Variants in DMXL1 observed in about 807,000 individuals in gnomAD.
DMXL1 encodes Dmx like 1.
Under a neutral mutation model 319.2 loss-of-function variants are expected in DMXL1, and 99 were observed. That is an observed-to-expected ratio of 0.31 (90% CI 0.26 to 0.37). The LOEUF is 0.37. Ranked by LOEUF, DMXL1 falls within the 10% of genes least tolerant of loss-of-function variation. The pLI is 1.00. For synonymous variants in DMXL1, 1,385 were observed against 1,235.2 expected (o/e 1.12, Z -2.54); for missense variants, 3,745 against 3,595.6 (o/e 1.04, Z -1.06).
At chr5:119,090,260 A>T (rs1049816500) in intron 1 of DMXL1, among the ~76,000 whole-genome samples, 4 of 151,046 alleles carry the variant, frequency 2.6e-5, no homozygotes, top group African/African-American at 9.7e-5. Flanking sequence ...ACCTCAGGTG[A>T]TTTGCCTGCC....
chr5:119,170,057 A>G, intron 23 of DMXL1, 133 bp from the exon 24 acceptor site: 1 of 764,044 alleles, frequency 1.3e-6, no homozygotes, highest in South Asian at 2.1e-5. Flanking sequence ...GCCATGGATC[A>G]TTGTGGCCTA....
At chr5:119,124,026 G>A (rs866249976) in intron 9 of DMXL1, among the ~76,000 whole-genome samples, 5 of 151,384 alleles carry the variant, frequency 3.3e-5, no homozygotes, top group South Asian at 2.1e-4. Context: ...TAACACCAAG[G>A]AGCTGGGCAT....
chr5:119,168,888 G>T (rs57278208), intron 23 of DMXL1, among the ~76,000 whole-genome samples: 77,702 of 151,460 alleles, frequency 0.51, 20,883 homozygotes, highest in East Asian at 0.96. Flanking sequence ...CTTTTGTCTT[G>T]TCTTTTCTCT....
chr5:119,157,889 G>C (rs1771456369), intron 19 of DMXL1, among the ~76,000 whole-genome samples: 1 of 152,038 alleles, frequency 6.6e-6, no homozygotes, highest in South Asian at 2.1e-4. Context: ...AGATTGCGTT[G>C]AATCTGTAGA....
At chr5:119,211,727 G>A (rs1782838848) in intron 34 of DMXL1, among the ~76,000 whole-genome samples, 1 of 152,144 alleles carries the variant, frequency 6.6e-6, no homozygotes, top group African/African-American at 2.4e-5. Context: ...TGTCATTAGA[G>A]TGGCAATGAA....
intron 6 of DMXL1, 31 bp from the exon 7 acceptor site, chr5:119,116,127 T>C (rs1760786735): frequency 6.4e-7 from 1 of 1,564,848 alleles, no homozygotes; most frequent in Non-Finnish European, 8.6e-7. Flanking sequence ...CTGATCTCCA[T>C]GATTTTCTGT....
intron 34 of DMXL1, among the ~76,000 whole-genome samples, chr5:119,211,851 TC>T (rs1337472863): frequency 6.6e-6 from 1 of 152,166 alleles, no homozygotes; most frequent in Non-Finnish European, 1.5e-5. Flanking sequence ...TTTCACTTCT[TC>T]CACTCTTGGA....
chr5:119,101,769 G>T (rs1269632157), intron 2 of DMXL1, among the ~76,000 whole-genome samples, 166 bp from the exon 3 acceptor site: 4 of 152,146 alleles, frequency 2.6e-5, no homozygotes, highest in African/African-American at 9.7e-5. Context: ...GCAGTTCTAG[G>T]ATTCTAATGC....
At chr5:119,171,334 T>G in intron 24 of DMXL1, 54 bp downstream of exon 24, 1 of 1,511,554 alleles carries the variant, frequency 6.6e-7, no homozygotes, top group Non-Finnish European at 8.8e-7. Context: ...CTGTTTTTGG[T>G]GTTTCTTTTT....
chr5:119,085,565 A>C (rs1753180272), intron 1 of DMXL1, among the ~76,000 whole-genome samples: 1 of 152,238 alleles, frequency 6.6e-6, no homozygotes, highest in Non-Finnish European at 1.5e-5. Context: ...GAATTTGTTC[A>C]TCCGTTCTAA....
chr5:119,198,066 G>A lies in DMXL1; in HGVS notation c.7745+110G>A, dbSNP rs565713104. On this transcript the variant is annotated intron_variant, in intron 32 of 43. Coordinates refer to ENST00000539542, the MANE Select transcript of DMXL1 (RefSeq NM_001290321.3). ...TGCAGTGGCACAATCTCAGCTCACT[G>A]CAGCCTCTGCCTCCTGGGTTCAAGT... The A allele has an allele frequency of 7.2e-5, 71 of 985,990 alleles. No homozygotes were observed. The African/African-American group carries it at 9.9e-4, about 14-fold the overall frequency. 61.1% of individuals were successfully genotyped at this position (985,990 alleles called of 1,614,324 possible). A position where few individuals can be genotyped will look rare whatever the true frequency, so the allele number is the denominator to read the frequency against.
chr5:119,081,300 A>C (rs907030312), intron 1 of DMXL1, among the ~76,000 whole-genome samples: 13 of 152,212 alleles, frequency 8.5e-5, no homozygotes, highest in Non-Finnish European at 5.9e-5. Flanking sequence ...GGAAGGCCTT[A>C]GGGTAAGAAA....
chr5:119,157,944 AAATT>A (rs937679441), intron 19 of DMXL1, among the ~76,000 whole-genome samples: 3 of 152,178 alleles, frequency 2.0e-5, no homozygotes, highest in African/African-American at 7.2e-5. Context: ...AAAATTTAAC[AAATT>A]AATTTTTCCA....
At chr5:119,134,759 A>G (rs753470485) in intron 13 of DMXL1, among the ~76,000 whole-genome samples, 8 of 152,236 alleles carry the variant, frequency 5.3e-5, no homozygotes, top group East Asian at 1.9e-4. Flanking sequence ...ACATGAAAAG[A>G]AAGAGCCCTT....
intron 10 of DMXL1, among the ~76,000 whole-genome samples, chr5:119,132,466 G>T (rs570403288): frequency 6.6e-6 from 1 of 152,206 alleles, no homozygotes; most frequent in African/African-American, 2.4e-5. Flanking sequence ...GGATCACGAG[G>T]TCAGGAGTTC....
intron 21 of DMXL1, 138 bp from the exon 22 acceptor site, chr5:119,166,478 A>G (rs1349113344): frequency 1.5e-6 from 1 of 656,142 alleles, no homozygotes; most frequent in East Asian, 3.1e-5. Context: ...TTACTGGGAA[A>G]AGAAGCAGAT....
chr5:119,225,481 G>A (rs956274900), intron 38 of DMXL1, among the ~76,000 whole-genome samples: 6 of 151,616 alleles, frequency 4.0e-5, no homozygotes, highest in South Asian at 2.1e-4. Context: ...TATGCCCTTC[G>A]TCAAATTGTC....
At position 119,071,116 on chromosome 5, in the gene DMXL1, T is replaced by TG; in HGVS notation, c.-449dup. On this transcript the variant is annotated 5_prime_UTR_variant, in exon 1 of 44. Transcript: ENST00000539542. ...GCGCGTAGTGAGTGGCGGAGGACTGTGGGGGTGGCGGGCACCGGAGCCGGG... is the reference window on the plus strand; with the variant it reads ...GCGCGTAGTGAGTGGCGGAGGACTGTGGGGGGTGGCGGGCACCGGAGCCGGG... The TG allele has an allele frequency of 5.4e-6, 1 of 184,740 alleles. No homozygotes were observed. Among genetic ancestry groups the TG allele is most frequent in the Middle Eastern group, 2.4e-3 (1 of 416 alleles). The allele number at this position is 184,740 out of a possible 1,614,324, so 11.4% of individuals were successfully genotyped here. A position where few individuals can be genotyped will look rare whatever the true frequency, so the allele number is the denominator to read the frequency against.
At chr5:119,206,243 G>C (rs1452860795) in intron 33 of DMXL1, among the ~76,000 whole-genome samples, 1 of 150,822 alleles carries the variant, frequency 6.6e-6, no homozygotes, top group East Asian at 1.9e-4. Context: ...TTTTTGTTTT[G>C]TTTTGTTTGA....
Sources: gnomAD v4.1 joint callset for allele counts (sites outside exome capture counted in the v4.1 genomes callset) on GRCh38, gnomAD v4.1.1 for gene constraint, MANE v1.5 for transcripts, NCBI Gene and HGNC (gene_info 2026-07-23, HGNC 2026-07-21) for gene names.